WDR7: variants seen among roughly 807,000 people sequenced by gnomAD.
The protein encoded by WDR7 is WD repeat domain 7, also known as WD repeat-containing protein 7.
A neutral mutation model predicts 169.4 loss-of-function variants in WDR7; 46 were observed. The observed-to-expected ratio is 0.27, with a 90% CI of 0.21 to 0.35. The LOEUF is 0.35. Among genes scored for constraint, WDR7 ranks in the 10% least tolerant of loss-of-function variants. The probability of loss-of-function intolerance (pLI) is 1.00; values close to 1 mark genes in which losing one functional copy is unlikely to be tolerated. For missense variants in WDR7, 1,534 were observed against 1,859.3 expected, an observed-to-expected ratio of 0.83 and a Z score of 3.22; for synonymous variants, 612 against 666.8, an observed-to-expected ratio of 0.92 and a Z score of 1.27.
intron 9 of WDR7, among the ~76,000 whole-genome samples, chr18:56,692,388 CTA>C (rs372276443): frequency 1.1e-3 from 163 of 145,130 alleles, no homozygotes; most frequent in African/African-American, 3.7e-3. Context: ...GTTTTCAACT[CTA>C]TATTGAGCAG....
chr18:57,009,726 A>G (rs2048111821), intron 26 of WDR7: 1 of 484,368 alleles, frequency 2.1e-6, no homozygotes, highest in East Asian at 1.5e-4. Flanking sequence ...TAACACTTTC[A>G]AGCATTTCTC....
chr18:56,831,646 A>C (rs2045310549), intron 20 of WDR7, among the ~76,000 whole-genome samples: 1 of 151,810 alleles, frequency 6.6e-6, no homozygotes, highest in Non-Finnish European at 1.5e-5. Context: ...GGTTCATCTC[A>C]CTGAGACTGG....
chr18:56,932,154 G>A (rs1225615516), intron 22 of WDR7, among the ~76,000 whole-genome samples: 1 of 152,132 alleles, frequency 6.6e-6, no homozygotes, highest in East Asian at 1.9e-4. Context: ...CTTTTGCACT[G>A]TGGATGCCAT....
Position 57,028,101 on chromosome 18 carries a change from C to T in WDR7, c.*894C>T, listed in dbSNP as rs1477321813. On this transcript the variant is annotated 3_prime_UTR_variant, in exon 28 of 28. Coordinates refer to ENST00000254442, the MANE Select transcript of WDR7 (RefSeq NM_015285.3). ...AGATCCTGTTGAAGAAAGAGCTTAC[C>T]CCTTTCCCCCGGAAAACTTGCAATC... 1.3e-5 allele frequency: 2 copies of T among 152,156 alleles called. No homozygotes were observed. The highest frequency in any genetic ancestry group is 4.8e-5 in the African/African-American group (2 of 41,430). The allele number at this position is 152,156 out of a possible 1,614,324, so 9.4% of individuals were successfully genotyped here. A position where few individuals can be genotyped will look rare whatever the true frequency, so the allele number is the denominator to read the frequency against.
chr18:56,953,261 G>A (rs1256174361), intron 25 of WDR7, among the ~76,000 whole-genome samples: 3 of 152,098 alleles, frequency 2.0e-5, no homozygotes, highest in African/African-American at 7.2e-5. Context: ...TTAAAGAGAT[G>A]AAAAATCAAT....
intron 19 of WDR7, among the ~76,000 whole-genome samples, chr18:56,804,954 CCCAGCTCTCAGAGA>C (rs1352272764): frequency 1.3e-5 from 2 of 152,132 alleles, no homozygotes; most frequent in Non-Finnish European, 2.9e-5. Flanking sequence ...AGAAGTCTGT[CCCAGCTCTCAGAGA>C]CCAATTTCCC....
At chr18:56,706,036 A>G (rs563189306) in intron 12 of WDR7, among the ~76,000 whole-genome samples, 1 of 152,298 alleles carries the variant, frequency 6.6e-6, no homozygotes, top group South Asian at 2.1e-4. Flanking sequence ...CCAACAGATC[A>G]GAGTGATGGT....
At position 56,781,719 on chromosome 18, in the gene WDR7, C is replaced by G. The variant is rs149010914; in HGVS notation, c.3190+63C>G. 116 of 1,408,272 alleles carry G rather than the reference C, an allele frequency of 8.2e-5. 1 individual carries two copies. The African/African-American group carries it at 1.4e-3, about 17-fold the overall frequency. 87.2% of individuals were successfully genotyped at this position (1,408,272 alleles called of 1,614,324 possible). The stretch of plus-strand genomic sequence containing the variant: ...AATATGTAGAAAAGGTACCTGTACT[C>G]ACAAATATATATGCTACTACCCATC... On this transcript the variant is annotated intron_variant, in intron 19 of 27. Coordinates refer to ENST00000254442, the MANE Select transcript of WDR7 (RefSeq NM_015285.3).
In WDR7 at chr18:56,738,225, T is replaced by C. The variant is rs1018671412; in HGVS notation, c.1989+6628T>C. Among the ~76,000 whole-genome samples the C allele has an allele frequency of 2.6e-5, 4 of 152,230 alleles. No homozygotes were observed. In the South Asian group the frequency reaches 8.3e-4, roughly 32 times the overall value. On this transcript the variant is annotated intron_variant, in intron 14 of 27. Coordinates refer to ENST00000254442, the MANE Select transcript of WDR7 (RefSeq NM_015285.3). Reference sequence around the variant, plus strand: ...TATTAGTCCAGTAATAAAATAATCATGATCTTCTAACATGCTTCTTATTAG... The same window carrying C: ...TATTAGTCCAGTAATAAAATAATCACGATCTTCTAACATGCTTCTTATTAG...
In WDR7 at chr18:56,756,941, G is replaced by A; in HGVS notation, c.2348G>A (p.Ser783Asn). 1 of 1,614,106 alleles carries A rather than the reference G, an allele frequency of 6.2e-7. No individual in the cohort carries two copies. Among genetic ancestry groups the A allele is most frequent in the East Asian group, 2.2e-5 (1 of 44,882 alleles). The change falls in exon 15 of 28, where the codon AGC (serine) becomes AAC (asparagine). Residue 783 changes from serine (S) to asparagine (N), a missense_variant. Physicochemically the swap from Ser to Asn is conservative, Grantham distance 46. Transcript: ENST00000254442. ...REESDPEYRSSKSKPLTLLEY... is the reference protein window; with the variant it reads ...REESDPEYRSNKSKPLTLLEY... ...GAAAGTGATCCTGAATATCGGTCCA[G>A]CAAATCAAAGCCATTGACCCTATTA... is the stretch of plus-strand genomic sequence containing the variant.
chr18:56,834,879 C>T (rs1375603846), intron 20 of WDR7, among the ~76,000 whole-genome samples: 1 of 152,170 alleles, frequency 6.6e-6, no homozygotes, highest in Non-Finnish European at 1.5e-5. Flanking sequence ...ATCATCCAGA[C>T]TTGGAATCTT....
chr18:56,659,772 G>A (rs1439225107), intron 1 of WDR7, among the ~76,000 whole-genome samples: 1 of 152,120 alleles, frequency 6.6e-6, no homozygotes, highest in African/African-American at 2.4e-5. Context: ...ACTCATATAG[G>A]ATAGGCAGTT....
At chr18:56,948,847 T>G (rs2047142406) in intron 25 of WDR7, among the ~76,000 whole-genome samples, 1 of 152,190 alleles carries the variant, frequency 6.6e-6, no homozygotes, top group Non-Finnish European at 1.5e-5. Flanking sequence ...CACATGGAGT[T>G]CAGCCATCTC....
chr18:56,769,124 C>T (rs552139992), intron 16 of WDR7, among the ~76,000 whole-genome samples: 43 of 151,468 alleles, frequency 2.8e-4, no homozygotes, highest in African/African-American at 9.7e-4. Flanking sequence ...ATGAAACATG[C>T]TACTTGAGAA....
At chr18:56,770,660 T>C (rs771197707) in intron 16 of WDR7, among the ~76,000 whole-genome samples, 1 of 152,190 alleles carries the variant, frequency 6.6e-6, no homozygotes, top group African/African-American at 2.4e-5. Flanking sequence ...AGCACCTTCA[T>C]GTGTTGTCTT....
chr18:56,784,406 G>A (rs1474587689), intron 19 of WDR7, among the ~76,000 whole-genome samples: 4 of 152,124 alleles, frequency 2.6e-5, no homozygotes, highest in Non-Finnish European at 5.9e-5. Context: ...CCAATACGTA[G>A]CTTTTTTTAT....
intron 14 of WDR7, among the ~76,000 whole-genome samples, chr18:56,742,458 C>G (rs893322862): frequency 6.6e-6 from 1 of 152,102 alleles, no homozygotes; most frequent in Non-Finnish European, 1.5e-5. Flanking sequence ...GTTTGAAAAT[C>G]TGCTCTTTAT....
chr18:56,900,082 G>GTATATA (rs1191116351), intron 21 of WDR7, among the ~76,000 whole-genome samples: 1,712 of 31,952 alleles, frequency 0.054, 51 homozygotes, highest in African/African-American at 0.098. Flanking sequence ...GTGTGTGTGT[G>GTATATA]TATATATATA....
intron 1 of WDR7, among the ~76,000 whole-genome samples, chr18:56,660,811 G>T (rs1191366174): frequency 6.6e-6 from 1 of 152,232 alleles, no homozygotes; most frequent in African/African-American, 2.4e-5. Context: ...GGTAGGTCAA[G>T]TAAGATAAGG....
Sources: allele counts gnomAD v4.1 joint callset (sites outside exome capture counted in the v4.1 genomes callset), GRCh38; gene constraint gnomAD v4.1.1; transcripts MANE v1.5; gene names NCBI Gene and HGNC (gene_info 2026-07-23, HGNC 2026-07-21).